Variants in SUSD1 observed in about 807,000 individuals in gnomAD.
The protein encoded by SUSD1 is sushi domain-containing protein 1.
A neutral mutation model predicts 86.9 loss-of-function variants in SUSD1; 65 were observed. That is an observed-to-expected ratio of 0.75 (90% CI 0.61 to 0.92). The LOEUF (loss-of-function observed/expected upper bound fraction) is 0.92. Among genes scored for constraint, SUSD1 ranks in the 40% least tolerant of loss-of-function variants. SUSD1 has a pLI of 0.00. For synonymous variants in SUSD1, 346 were observed against 350.0 expected (o/e 0.99, Z 0.13); for missense variants, 850 against 929.7 (o/e 0.91, Z 1.11).
chr9:112,132,179 T>C (rs1229129960), intron 5 of SUSD1, among the ~76,000 whole-genome samples: 2 of 152,170 alleles, frequency 1.3e-5, no homozygotes, highest in Non-Finnish European at 1.5e-5. Flanking sequence ...CACAATAACA[T>C]AGATTGATGA....
intron 12 of SUSD1, among the ~76,000 whole-genome samples, chr9:112,064,958 G>A (rs996278839): frequency 4.6e-5 from 7 of 151,454 alleles, no homozygotes; most frequent in African/African-American, 1.2e-4. Context: ...CCTTTCTAAC[G>A]CTTATGTATC....
chr9:112,136,820 T>C (rs1045065768), intron 5 of SUSD1, among the ~76,000 whole-genome samples: 2 of 152,206 alleles, frequency 1.3e-5, no homozygotes, highest in African/African-American at 4.8e-5. Flanking sequence ...TCCACTTTTG[T>C]AGAGATAAAT....
chr9:112,052,864 T>C (rs1828280364), intron 14 of SUSD1, among the ~76,000 whole-genome samples: 1 of 152,196 alleles, frequency 6.6e-6, no homozygotes, highest in African/African-American at 2.4e-5. Context: ...AGTCCCAGTA[T>C]ATAATACTTC....
chr9:112,160,579 A>C (rs1273085622), intron 1 of SUSD1, among the ~76,000 whole-genome samples: 6 of 151,814 alleles, frequency 4.0e-5, no homozygotes, highest in African/African-American at 1.5e-4. Context: ...AAAGAGATGG[A>C]TGGGCCAGGT....
At chr9:112,120,570 G>C (rs1831511743) in intron 6 of SUSD1, among the ~76,000 whole-genome samples, 1 of 152,106 alleles carries the variant, frequency 6.6e-6, no homozygotes, top group African/African-American at 2.4e-5. Context: ...GGGCATAAAG[G>C]CCTCCTCACA....
chr9:112,063,927 C>G (rs796752410), intron 12 of SUSD1, among the ~76,000 whole-genome samples: 5 of 152,302 alleles, frequency 3.3e-5, no homozygotes, highest in African/African-American at 9.6e-5. Context: ...GGAACTTCTT[C>G]CCTCTCCAAA....
In SUSD1 at chr9:112,111,677, G is replaced by C; in HGVS notation, c.1148C>G (p.Ala383Gly). Residue 383 changes from alanine (A) to glycine (G), a missense_variant, in exon 8 of 17, where the codon GCC (alanine) becomes GGC (glycine). Physicochemically the swap from Ala to Gly is moderately conservative, Grantham distance 60 (BLOSUM62 0). Coordinates refer to ENST00000374270, the MANE Select transcript of SUSD1 (RefSeq NM_022486.5). The part of the protein sequence containing the change: ...STAPPRRSMP[A>G]VIGFQTAEVD... ...ACCAGCTGTCTGGAAACCGATGACGGCTGGCATCGAGCGCCTGGGAGGTGC... is the reference window on the plus strand; with the variant it reads ...ACCAGCTGTCTGGAAACCGATGACGCCTGGCATCGAGCGCCTGGGAGGTGC... 3 of 1,613,954 alleles carry C rather than the reference G, an allele frequency of 1.9e-6. No homozygotes were observed. The highest frequency in any genetic ancestry group is 2.5e-6 in the Non-Finnish European group (3 of 1,179,952).
intron 12 of SUSD1, among the ~76,000 whole-genome samples, chr9:112,064,521 T>C (rs1433373876): frequency 6.6e-6 from 1 of 152,152 alleles, no homozygotes; most frequent in Non-Finnish European, 1.5e-5. Context: ...GCATTATAGC[T>C]TCCACTTCCC....
At chr9:112,059,999 C>T (rs1290667810) in intron 13 of SUSD1, among the ~76,000 whole-genome samples, 8 of 135,486 alleles carry the variant, frequency 5.9e-5, no homozygotes, top group East Asian at 4.9e-4. Context: ...GTTGAAATTT[C>T]GGAAAAGAGG....
At chr9:112,081,912 T>C (rs1829782804) in intron 10 of SUSD1, among the ~76,000 whole-genome samples, 2 of 152,210 alleles carry the variant, frequency 1.3e-5, no homozygotes, top group Admixed American at 6.5e-5. Context: ...ACATTTAATA[T>C]ACTTTGTTAA....
At chr9:112,069,008 C>T (rs1218794326) in intron 12 of SUSD1, among the ~76,000 whole-genome samples, 1 of 152,034 alleles carries the variant, frequency 6.6e-6, no homozygotes, top group African/African-American at 2.4e-5. Context: ...TATAAGGAAT[C>T]CTCCAGCAGG....
At chr9:112,115,824 G>GAAAAAAAAAGAA (rs1554766278) in intron 6 of SUSD1, among the ~76,000 whole-genome samples, 2,339 of 120,890 alleles carry the variant, frequency 0.019, 39 homozygotes, top group South Asian at 0.031. Context: ...AAAAAAAAAA[G>GAAAAAAAAAGAA]AAAAAAAAAA....
At chr9:112,162,983 G>C (rs1833633957) in intron 1 of SUSD1, among the ~76,000 whole-genome samples, 1 of 152,094 alleles carries the variant, frequency 6.6e-6, no homozygotes, top group South Asian at 2.1e-4. Context: ...TTTCCCAGTG[G>C]CCACCTTCAA....
chr9:112,106,306 T>A (rs184497831), intron 8 of SUSD1, among the ~76,000 whole-genome samples: 6 of 152,242 alleles, frequency 3.9e-5, no homozygotes, highest in Admixed American at 3.3e-4. Context: ...TCACACCTTC[T>A]AACTCTTCTT....
At chr9:112,155,780 A>C (rs1431244039) in intron 2 of SUSD1, among the ~76,000 whole-genome samples, 1 of 151,764 alleles carries the variant, frequency 6.6e-6, no homozygotes, top group Non-Finnish European at 1.5e-5. Context: ...CGGGCAATGT[A>C]GTGAGACCCT....
intron 10 of SUSD1, among the ~76,000 whole-genome samples, chr9:112,089,284 A>C (rs1251132488): frequency 1.3e-5 from 2 of 152,260 alleles, no homozygotes; most frequent in Admixed American, 1.3e-4. Flanking sequence ...ACAGAGAAAG[A>C]AATGCAGAAA....
Position 112,164,209 on chromosome 9 carries a change from G to T in SUSD1, c.104-6596C>A, listed in dbSNP as rs148487601. Among the ~76,000 whole-genome samples, 578 of 152,240 alleles carry T rather than the reference G, an allele frequency of 3.8e-3. 4 individuals are homozygous for T. Among genetic ancestry groups the T allele is most frequent in the African/African-American group, 0.013 (560 of 41,542 alleles). On this transcript the variant is annotated intron_variant, in intron 1 of 16. Coordinates refer to ENST00000374270, the MANE Select transcript of SUSD1 (RefSeq NM_022486.5). Reference sequence around the variant, plus strand: ...TTAAAAGAAACTGAATTAAGTTCAAGTTTATTTAATAAATAGCCCCAGACA... The same window carrying T: ...TTAAAAGAAACTGAATTAAGTTCAATTTTATTTAATAAATAGCCCCAGACA...
chr9:112,132,454 C>T (rs917160980), intron 5 of SUSD1, among the ~76,000 whole-genome samples: 10 of 152,100 alleles, frequency 6.6e-5, no homozygotes, highest in Admixed American at 4.6e-4. Flanking sequence ...AAATCACATT[C>T]GAGTCAGTTT....
In SUSD1 at chr9:112,125,935, C is replaced by A. The variant is rs147460925; in HGVS notation, c.707-1499G>T. On this transcript the variant is annotated intron_variant, in intron 5 of 16. Coordinates refer to ENST00000374270, the MANE Select transcript of SUSD1 (RefSeq NM_022486.5). ...GAGCAGGATCTCATCTAATTTCCAA[C>A]CCTGTCTATCTCTCATGTCCCATGT... is the stretch of plus-strand genomic sequence containing the variant. 8.0e-4 allele frequency among the ~76,000 whole-genome samples: 122 copies of A among 152,330 alleles called. 1 individual carries two copies. In the East Asian group the frequency reaches 0.021, roughly 26 times the overall value.
Sources: allele counts gnomAD v4.1 joint callset (sites outside exome capture counted in the v4.1 genomes callset), GRCh38; gene constraint gnomAD v4.1.1; transcripts MANE v1.5; gene names NCBI Gene and HGNC (gene_info 2026-07-23, HGNC 2026-07-21).